Variants in LIMK1 observed in about 807,000 individuals in gnomAD.
LIMK1 encodes LIM motif-containing protein kinase.
A neutral mutation model predicts 77.6 loss-of-function variants in LIMK1; 21 were observed. The ratio of observed to expected loss-of-function variants is 0.27; its 90% CI spans 0.19 to 0.39. The LOEUF is 0.39. Among genes scored for constraint, LIMK1 ranks in the 10% least tolerant of loss-of-function variants. LIMK1 has a pLI of 1.00. For synonymous variants in LIMK1, 358 were observed against 370.0 expected (o/e 0.97, Z 0.37); for missense variants, 696 against 901.6 (o/e 0.77, Z 2.92).
chr7:74,116,575 C>T (rs1464930687), intron 13 of LIMK1, among the ~76,000 whole-genome samples: 1 of 152,070 alleles, frequency 6.6e-6, no homozygotes, highest in Admixed American at 6.6e-5. Flanking sequence ...TTTTCTGGCT[C>T]GTGGAGGCTT....
At chr7:74,089,967 G>A (rs546158402) in intron 2 of LIMK1, among the ~76,000 whole-genome samples, 1 of 152,222 alleles carries the variant, frequency 6.6e-6, no homozygotes, top group Non-Finnish European at 1.5e-5. Context: ...GTTACAGGAT[G>A]GGTGTACCTG....
At chr7:74,089,164 T>C (rs570170986) in intron 2 of LIMK1, among the ~76,000 whole-genome samples, 2 of 152,298 alleles carry the variant, frequency 1.3e-5, no homozygotes, top group South Asian at 2.1e-4. Flanking sequence ...TCGCTGAAGG[T>C]TGTAACATCT....
intron 9 of LIMK1, among the ~76,000 whole-genome samples, chr7:74,108,516 T>A (rs1799628540): frequency 6.6e-6 from 1 of 151,494 alleles, no homozygotes; most frequent in African/African-American, 2.4e-5. Context: ...ATGATGGTGG[T>A]GAGTGCCTGT....
intron 2 of LIMK1, among the ~76,000 whole-genome samples, chr7:74,091,592 G>A (rs1563912023): frequency 2.0e-5 from 3 of 152,194 alleles, no homozygotes; most frequent in Admixed American, 6.5e-5. Flanking sequence ...CGCGTGAGGA[G>A]TAGAATCAGG....
rs782479055 is a variant in LIMK1 at position 74,097,203 on chromosome 7, C to T, written c.401+14C>T. 1.5e-5 allele frequency: 24 copies of T among 1,562,922 alleles called. No individual in the cohort carries two copies. The Admixed American group carries it at 4.0e-4, about 26-fold the overall frequency. ...CAAGCTGTACTGGTGAGTGCCTTGG[C>T]CCCTCCCTGAGCCTAGGAGGCCCAC... On this transcript the variant is annotated intron_variant, in intron 4 of 15. Transcript: ENST00000336180.
intron 2 of LIMK1, chr7:74,093,413 C>A (rs1799277042): frequency 7.8e-7 from 1 of 1,288,364 alleles, no homozygotes; most frequent in Non-Finnish European, 1.1e-6. Context: ...AGAACTGAAA[C>A]TCCTTGGTTA....
intron 4 of LIMK1, 42 bp from the exon 5 acceptor site, chr7:74,098,990 G>A (rs1180066304): frequency 4.0e-6 from 6 of 1,510,690 alleles, no homozygotes; most frequent in Middle Eastern, 1.7e-4. Context: ...AATTGATGAC[G>A]CCCTTGACAC....
chr7:74,115,655 G>C, intron 12 of LIMK1, 147 bp from the exon 13 acceptor site: 5 of 808,426 alleles, frequency 6.2e-6, no homozygotes, highest in Non-Finnish European at 7.7e-6. Context: ...TTTGGGGAAG[G>C]AAGGGGTCCC....
intron 1 of LIMK1, among the ~76,000 whole-genome samples, chr7:74,084,673 C>G (rs2115602218): frequency 6.6e-6 from 1 of 152,296 alleles, no homozygotes; most frequent in South Asian, 2.1e-4. Context: ...TCAGTCTTGG[C>G]TGGGAGCATG....
At chr7:74,116,587 C>T (rs1002994148) in intron 13 of LIMK1, among the ~76,000 whole-genome samples, 1 of 152,012 alleles carries the variant, frequency 6.6e-6, no homozygotes, top group Non-Finnish European at 1.5e-5. Context: ...TGGAGGCTTC[C>T]TCATTCCTCC....
chr7:74,121,162 A>G lies in LIMK1; in HGVS notation c.1805A>G (p.His602Arg). 6.2e-7 allele frequency: 1 copy of G among 1,613,570 alleles called. No homozygotes were observed. The highest frequency in any genetic ancestry group is 8.5e-7 in the Non-Finnish European group (1 of 1,179,794). Residue 602 changes from histidine (H) to arginine (R), a missense_variant, in exon 16 of 16, where the codon CAC becomes CGC. Transcript: ENST00000336180. ...EKRPSFVKLE[H>R]WLETLRMHLA... Reference sequence around the variant, plus strand: ...AGGCCATCCTTTGTGAAGCTGGAACACTGGCTGGAGACCCTCCGCATGCAC... The same window carrying G: ...AGGCCATCCTTTGTGAAGCTGGAACGCTGGCTGGAGACCCTCCGCATGCAC...
intron 13 of LIMK1, among the ~76,000 whole-genome samples, chr7:74,117,173 G>A (rs374508723): frequency 1.8e-4 from 27 of 152,186 alleles, no homozygotes; most frequent in African/African-American, 6.0e-4. Context: ...GAGCCACCGC[G>A]CCTGGCCAAT....
Position 74,099,224 on chromosome 7 carries a change from C to T in LIMK1, c.594C>T (p.Thr198=), listed in dbSNP as rs782415086. The T allele has an allele frequency of 5.0e-6, 8 of 1,605,306 alleles. No homozygotes were observed. The highest frequency in any genetic ancestry group is 2.2e-5 in the South Asian group (2 of 91,074). Residue 198 remains threonine (T), a synonymous_variant, in exon 5 of 16, where the codon ACC becomes ACT. Transcript: ENST00000336180. ...PPGCGTEHSH[T]VRVQGVDPGC... is the part of the protein sequence containing the mutation. ...GCTGTGGCACCGAGCACTCACACAC[C>T]GTCCGCGTCCAGGGGTGAGTGGCCG...
chr7:74,111,466 G>A (rs1799697171), intron 10 of LIMK1, 182 bp from the exon 11 acceptor site: 1 of 598,338 alleles, frequency 1.7e-6, no homozygotes, highest in Non-Finnish European at 3.0e-6. Context: ...AATAATGTCT[G>A]TGAGCTGTGT....
intron 13 of LIMK1, among the ~76,000 whole-genome samples, chr7:74,116,896 T>G (rs1231461162): frequency 6.6e-6 from 1 of 151,856 alleles, no homozygotes; most frequent in African/African-American, 2.4e-5. Flanking sequence ...TTTTATTTTT[T>G]TTTGAGACAG....
intron 4 of LIMK1, among the ~76,000 whole-genome samples, chr7:74,097,695 G>A (rs917746558): frequency 6.6e-6 from 1 of 152,126 alleles, no homozygotes; most frequent in African/African-American, 2.4e-5. Context: ...AACCTCAGAC[G>A]TCAGCTTTCT....
At chr7:74,117,447 C>T (rs1317558197) in intron 13 of LIMK1, among the ~76,000 whole-genome samples, 1 of 152,078 alleles carries the variant, frequency 6.6e-6, no homozygotes, top group Non-Finnish European at 1.5e-5. Flanking sequence ...TATACAAGTC[C>T]CAGGGATCAG....
At chr7:74,084,852 G>A (rs1554693842) in intron 1 of LIMK1, among the ~76,000 whole-genome samples, 2 of 152,138 alleles carry the variant, frequency 1.3e-5, no homozygotes, top group Non-Finnish European at 2.9e-5. Context: ...CCCCAAGGCA[G>A]GGCCTGACTC....
chr7:74,085,964 C>T (rs1427409749), intron 2 of LIMK1, 120 bp downstream of exon 2: 10 of 689,026 alleles, frequency 1.5e-5, no homozygotes, highest in Admixed American at 2.4e-5. Context: ...ATTGTGACTT[C>T]GTGGCCTTAA....
Sources: allele counts gnomAD v4.1 joint callset (sites outside exome capture counted in the v4.1 genomes callset), GRCh38; gene constraint gnomAD v4.1.1; transcripts MANE v1.5; gene names NCBI Gene and HGNC (gene_info 2026-07-23, HGNC 2026-07-21).